Variants in CASP2 observed in about 807,000 individuals in gnomAD.
CASP2 encodes caspase 2, also known as caspase-2.
Under a neutral mutation model 54.4 loss-of-function variants are expected in CASP2, and 38 were observed. The ratio of observed to expected loss-of-function variants is 0.70; its 90% CI spans 0.54 to 0.92. CASP2 has a LOEUF of 0.92. Ranked by LOEUF, CASP2 falls within the 40% of genes least tolerant of loss-of-function variation. CASP2 has a pLI of 0.00. For synonymous variants in CASP2, 215 were observed against 216.3 expected (o/e 0.99, Z 0.05); for missense variants, 512 against 579.6 (o/e 0.88, Z 1.20).
chr7:143,306,420 C>T lies in CASP2; in HGVS notation c.*1349C>T, dbSNP rs1181329420. The T allele has an allele frequency of 6.6e-6, 1 of 151,584 alleles. No individual in the cohort carries two copies. The highest frequency in any genetic ancestry group is 1.5e-5 in the Non-Finnish European group (1 of 67,940). 9.4% of individuals were successfully genotyped at this position (151,584 alleles called of 1,614,324 possible). ...TACAGGTGCCCGCCACCGTGCCCGG[C>T]TAATTTTTTTGTATTTTTAGTAGAG... On this transcript the variant is annotated 3_prime_UTR_variant, in exon 11 of 11. Coordinates refer to ENST00000310447, the MANE Select transcript of CASP2 (RefSeq NM_032982.4).
chr7:143,292,982 G>T (rs1038066449), intron 4 of CASP2, among the ~76,000 whole-genome samples: 3 of 152,148 alleles, frequency 2.0e-5, no homozygotes, highest in African/African-American at 7.2e-5. Context: ...CCGCACTCCA[G>T]CCTTGCCAAC....
At chr7:143,293,559 T>C (rs1801652350) in intron 4 of CASP2, among the ~76,000 whole-genome samples, 2 of 151,362 alleles carry the variant, frequency 1.3e-5, no homozygotes, top group Admixed American at 6.6e-5. Context: ...GTCCAGGCTG[T>C]AGTGCAATGG....
In CASP2 at chr7:143,292,654, T is replaced by G; in HGVS notation, c.431T>G (p.Val144Gly). ...CDYDLSLPFP[V>G]CESCPLYKKL... Reference sequence around the variant, plus strand: ...TACGACTTGAGTCTCCCTTTTCCGGTGTGTGAGTCCTGTCCCCTTTACAAG... The same window carrying G: ...TACGACTTGAGTCTCCCTTTTCCGGGGTGTGAGTCCTGTCCCCTTTACAAG... The change falls in exon 4 of 11, where the codon GTG becomes GGG. Residue 144 changes from valine (V) to glycine (G), a missense_variant. By Grantham distance (109) the Val-to-Gly change is moderately radical. Transcript: ENST00000310447. The G allele has an allele frequency of 6.2e-7, 1 of 1,613,372 alleles. No homozygotes were observed. The highest frequency in any genetic ancestry group is 8.5e-7 in the Non-Finnish European group (1 of 1,180,002).
In CASP2 at chr7:143,300,069, GA is replaced by G; in HGVS notation, c.876+20del. 6.2e-7 allele frequency: 1 copy of G among 1,614,108 alleles called. No homozygotes were observed. Among genetic ancestry groups the G allele is most frequent in the Non-Finnish European group, 8.5e-7 (1 of 1,180,016 alleles). The stretch of plus-strand genomic sequence containing the variant: ...TGCTCCAGGTGCGGATACCCTGGTG[GA>G]AGCCAACTGTTGAAACCAGGCTGCT... On this transcript the variant is annotated intron_variant, in intron 7 of 10. Coordinates refer to ENST00000310447, the MANE Select transcript of CASP2 (RefSeq NM_032982.4).
intron 1 of CASP2, among the ~76,000 whole-genome samples, chr7:143,289,178 A>C (rs1801478149): frequency 6.6e-6 from 1 of 152,178 alleles, no homozygotes; most frequent in African/African-American, 2.4e-5. Flanking sequence ...AGGTCTTCGC[A>C]AAGGGAACCT....
Position 143,304,729 on chromosome 7 carries a change from T to C in CASP2, c.1173T>C (p.Ala391=), listed in dbSNP as rs1802016640. 5 of 1,614,080 alleles carry C rather than the reference T, an allele frequency of 3.1e-6. No homozygotes were observed. The highest frequency in any genetic ancestry group is 4.2e-6 in the Non-Finnish European group (5 of 1,180,034). Reference sequence around the variant, plus strand: ...GTTCCTGGTACATCGAGGCTCTTGCTCAAGTGTTTTCTGAGCGGGCTTGTG... The same window carrying C: ...GTTCCTGGTACATCGAGGCTCTTGCCCAAGTGTTTTCTGAGCGGGCTTGTG... ...KRGSWYIEAL[A]QVFSERACDM... is the part of the protein sequence containing the mutation. The change falls in exon 10 of 11, where the codon GCT becomes GCC. Residue 391 remains alanine, a synonymous_variant. Transcript: ENST00000310447.
chr7:143,293,114 G>GTTTTTTTTTTTTTTT (rs11287848), intron 4 of CASP2: 12 of 565,244 alleles, frequency 2.1e-5, no homozygotes, highest in African/African-American at 6.7e-5. Context: ...CCTTTTTTTT[G>GTTTTTTTTTTTTTTT]TTTTTTTTTT....
At chr7:143,297,025 T>G (rs1801775642) in intron 6 of CASP2, among the ~76,000 whole-genome samples, 1 of 152,226 alleles carries the variant, frequency 6.6e-6, no homozygotes, top group Non-Finnish European at 1.5e-5. Context: ...TGTGGTATTG[T>G]TTTTTTAGCT....
chr7:143,305,448 T>G lies in CASP2; in HGVS notation c.*377T>G. ...CACTTTAGTGATTGCTTTTATTACA[T>G]TAGTTAAGATGTCTGAGAGACCATC... On this transcript the variant is annotated 3_prime_UTR_variant, in exon 11 of 11. Coordinates refer to ENST00000310447, the MANE Select transcript of CASP2 (RefSeq NM_032982.4). The G allele has an allele frequency of 2.9e-6, 1 of 345,490 alleles. No homozygotes were observed. Among genetic ancestry groups the G allele is most frequent in the Non-Finnish European group, 5.6e-6 (1 of 178,410 alleles). 21.4% of individuals were successfully genotyped at this position (345,490 alleles called of 1,614,324 possible).
At chr7:143,298,080 G>A (rs1270482903) in intron 6 of CASP2, among the ~76,000 whole-genome samples, 1 of 152,184 alleles carries the variant, frequency 6.6e-6, no homozygotes, top group Non-Finnish European at 1.5e-5. Flanking sequence ...ACATATCACA[G>A]TGTCCTGGAG....
intron 9 of CASP2, 152 bp downstream of exon 9, chr7:143,304,085 G>A (rs1264744576): frequency 1.3e-6 from 1 of 754,836 alleles, no homozygotes; most frequent in African/African-American, 1.7e-5. Flanking sequence ...TTGGATTTTG[G>A]AATATTTGCG....
chr7:143,288,377 G>A lies in CASP2; in HGVS notation c.-79G>A, dbSNP rs1161054177. On this transcript the variant is annotated 5_prime_UTR_variant, in exon 1 of 11. Coordinates refer to ENST00000310447, the MANE Select transcript of CASP2 (RefSeq NM_032982.4). ...CAGTGTGCGTCCGCGTCTGAGGGGAGGGATGTGGGGGAAGCGACGGCCCCC... is the reference window on the plus strand; with the variant it reads ...CAGTGTGCGTCCGCGTCTGAGGGGAAGGATGTGGGGGAAGCGACGGCCCCC... 8 of 1,411,970 alleles carry A rather than the reference G, an allele frequency of 5.7e-6. No homozygotes were observed. The highest frequency in any genetic ancestry group is 7.9e-6 in the Non-Finnish European group (8 of 1,009,104). 87.5% of individuals were successfully genotyped at this position (1,411,970 alleles called of 1,614,324 possible). A position where few individuals can be genotyped will look rare whatever the true frequency, so the allele number is the denominator to read the frequency against.
At chr7:143,297,146 T>TA (rs1363787017) in intron 6 of CASP2, among the ~76,000 whole-genome samples, 1 of 152,220 alleles carries the variant, frequency 6.6e-6, no homozygotes, top group Non-Finnish European at 1.5e-5. Context: ...GTTCACAAGT[T>TA]ACTCTCTTCA....
intron 5 of CASP2, 83 bp downstream of exon 5, chr7:143,294,407 C>G: frequency 9.1e-7 from 1 of 1,094,014 alleles, no homozygotes; most frequent in Non-Finnish European, 1.4e-6. Context: ...TTTGCATGTA[C>G]ATTTCCTTTC....
chr7:143,305,902 A>ATCTC lies in CASP2; in HGVS notation c.*836_*839dup, dbSNP rs1178727526. On this transcript the variant is annotated 3_prime_UTR_variant, in exon 11 of 11. Transcript: ENST00000310447. The stretch of plus-strand genomic sequence containing the variant: ...TCTTTTTCCTTCCTGAGAAACGTCC[A>ATCTC]TCTCTCTCCCTTACTATTCCCACTT... 4.6e-5 allele frequency: 7 copies of ATCTC among 152,164 alleles called. No homozygotes were observed. The highest frequency in any genetic ancestry group is 4.6e-4 in the Admixed American group (7 of 15,274). 9.4% of individuals were successfully genotyped at this position (152,164 alleles called of 1,614,324 possible).
intron 1 of CASP2, among the ~76,000 whole-genome samples, chr7:143,288,821 G>C (rs995475739): frequency 2.6e-5 from 4 of 152,246 alleles, no homozygotes; most frequent in Non-Finnish European, 1.5e-5. Flanking sequence ...GCCCGCTCTT[G>C]GGTTCTCTTG....
In CASP2 at chr7:143,294,640, T is replaced by C. The variant is rs908342834; in HGVS notation, c.614T>C (p.Leu205Ser). The change falls in exon 6 of 11, where the codon TTG becomes TCG. Residue 205 changes from leucine to serine, a missense_variant. Physicochemically the swap from Leu to Ser is moderately radical, Grantham distance 145 (BLOSUM62 -2). Coordinates refer to ENST00000310447, the MANE Select transcript of CASP2 (RefSeq NM_032982.4). ...QSRPRGLALV[L>S]SNVHFTGEKE... The stretch of plus-strand genomic sequence containing the variant: ...CGGCCTCGTGGCCTAGCACTGGTGT[T>C]GAGCAATGTGCACTTCACTGGAGAG... 1 of 1,614,242 alleles carries C rather than the reference T, an allele frequency of 6.2e-7. No homozygotes were observed. Among genetic ancestry groups the C allele is most frequent in the South Asian group, 1.1e-5 (1 of 91,090 alleles).
intron 1 of CASP2, 119 bp from the exon 2 acceptor site, chr7:143,291,421 C>A: frequency 1.0e-6 from 1 of 968,290 alleles, no homozygotes; most frequent in Non-Finnish European, 1.7e-6. Context: ...AAGAAATATG[C>A]ATAATCTTGG....
In CASP2 at chr7:143,307,226, GA is replaced by G. The variant is rs1802089798; in HGVS notation, c.*2156del. ...CTGTCTCCCCTACCAGGCTGTAAAT[GA>G]GGGCAGAAACCTTGTTTGTTTTATT... On this transcript the variant is annotated 3_prime_UTR_variant, in exon 11 of 11. Transcript: ENST00000310447. 1 of 152,198 alleles carries G rather than the reference GA, an allele frequency of 6.6e-6. No homozygotes were observed. The highest frequency in any genetic ancestry group is 6.5e-5 in the Admixed American group (1 of 15,280). 9.4% of individuals were successfully genotyped at this position (152,198 alleles called of 1,614,324 possible). A position where few individuals can be genotyped will look rare whatever the true frequency, so the allele number is the denominator to read the frequency against.
Sources: allele counts gnomAD v4.1 joint callset (sites outside exome capture counted in the v4.1 genomes callset), GRCh38; gene constraint gnomAD v4.1.1; transcripts MANE v1.5; gene names NCBI Gene and HGNC (gene_info 2026-07-23, HGNC 2026-07-21).